The following MDGA2 variants were observed in gnomAD, a reference collection of about 807,000 sequenced individuals.
MDGA2 encodes the protein MAM domain containing glycosylphosphatidylinositol anchor 2.
In MDGA2, 40 loss-of-function variants were observed where a neutral mutation model predicts 117.8. The ratio of observed to expected loss-of-function variants is 0.34; its 90% CI spans 0.26 to 0.44. MDGA2 has a LOEUF of 0.44. Ranked by LOEUF, MDGA2 falls within the 20% of genes least tolerant of loss-of-function variation. The pLI, the probability that MDGA2 is intolerant of heterozygous loss-of-function variation, is 1.00. For missense variants in MDGA2, 1,123 were observed against 1,250.6 expected, an observed-to-expected ratio of 0.90 and a Z score of 1.54; for synonymous variants, 452 against 439.0, an observed-to-expected ratio of 1.03 and a Z score of -0.37.
intron 3 of MDGA2, among the ~76,000 whole-genome samples, chr14:47,144,815 A>ATTTTTTTTTTTTTT (rs60842690): frequency 3.1e-4 from 40 of 130,428 alleles, no homozygotes; most frequent in East Asian, 9.0e-4. Context: ...TGCCCGGCTA[A>ATTTTTTTTTTTTTT]TTTTTTTTTT....
chr14:47,562,526 C>T (rs10142590), intron 1 of MDGA2, among the ~76,000 whole-genome samples: 119,087 of 152,138 alleles, frequency 0.78, 46,923 homozygotes, highest in East Asian at 1. Context: ...CTTGTGTGCA[C>T]TGAGGTGTTC....
At chr14:47,366,532 G>A (rs969168943) in intron 1 of MDGA2, among the ~76,000 whole-genome samples, 6 of 151,938 alleles carry the variant, frequency 3.9e-5, no homozygotes, top group South Asian at 2.1e-4. Flanking sequence ...TATTTTCTTC[G>A]CCCTTCACCT....
rs200085008 is a variant in MDGA2 at position 47,059,173 on chromosome 14, T to C, written c.1525+2076A>G. The C allele has an allele frequency of 2.1e-5, 17 of 806,840 alleles. No individual in the cohort carries two copies. In the East Asian group the frequency reaches 1.0e-3, roughly 49 times the overall value. The allele number at this position is 806,840 out of a possible 1,614,324, so 50.0% of individuals were successfully genotyped here. On this transcript the variant is annotated intron_variant, in intron 7 of 16. Transcript: ENST00000399232. ...ATGCATAAATTAGTCATTTTGTTAG[T>C]TAATAATTATCTGTTTAGTACCTTC...
intron 4 of MDGA2, among the ~76,000 whole-genome samples, chr14:47,133,707 C>G (rs1221436994): frequency 6.6e-6 from 1 of 151,936 alleles, no homozygotes; most frequent in Non-Finnish European, 1.5e-5. Context: ...AATTGAACTT[C>G]AAATATATTC....
intron 8 of MDGA2, among the ~76,000 whole-genome samples, chr14:47,024,889 T>G (rs552621155): frequency 3.3e-4 from 50 of 152,136 alleles, no homozygotes; most frequent in Non-Finnish European, 6.2e-4. Flanking sequence ...AATATTCATT[T>G]GCCAGGAGAA....
At chr14:47,058,515 C>T (rs973125029) in intron 7 of MDGA2, 2 of 984,086 alleles carry the variant, frequency 2.0e-6, no homozygotes, top group Non-Finnish European at 2.4e-6. Flanking sequence ...TTGATATAAT[C>T]CAAGATTTCC....
intron 1 of MDGA2, among the ~76,000 whole-genome samples, chr14:47,315,871 T>C (rs1183302838): frequency 1.3e-5 from 2 of 151,676 alleles, no homozygotes; most frequent in African/African-American, 4.8e-5. Flanking sequence ...TCAATAATAA[T>C]TTTCTGCCAC....
intron 8 of MDGA2, among the ~76,000 whole-genome samples, chr14:47,030,466 A>G (rs1888622988): frequency 1.3e-5 from 2 of 152,038 alleles, no homozygotes; most frequent in African/African-American, 4.8e-5. Context: ...GTGAGCTGGG[A>G]TCACGCCACT....
chr14:47,444,154 C>T (rs1046464320), intron 1 of MDGA2: 7 of 219,924 alleles, frequency 3.2e-5, no homozygotes, highest in Non-Finnish European at 5.7e-5. Flanking sequence ...TTTCATCTTG[C>T]TCCTTTGTGG....
At chr14:46,994,037 T>C (rs1284120408) in intron 8 of MDGA2, among the ~76,000 whole-genome samples, 1 of 152,130 alleles carries the variant, frequency 6.6e-6, no homozygotes, top group Non-Finnish European at 1.5e-5. Context: ...CCATATCAGT[T>C]GACCTGAGTT....
intron 3 of MDGA2, among the ~76,000 whole-genome samples, chr14:47,177,575 T>A (rs1235665769): frequency 6.6e-6 from 1 of 152,164 alleles, no homozygotes; most frequent in East Asian, 1.9e-4. Context: ...CCGCATGTTC[T>A]CACTCATAGG....
intron 1 of MDGA2, among the ~76,000 whole-genome samples, chr14:47,673,279 G>A (rs1221150180): frequency 6.6e-6 from 1 of 152,212 alleles, no homozygotes; most frequent in Non-Finnish European, 1.5e-5. Context: ...ACTGGCACCT[G>A]TGTCCACTCT....
intron 5 of MDGA2, among the ~76,000 whole-genome samples, chr14:47,114,459 G>A (rs944611438): frequency 6.6e-6 from 1 of 152,046 alleles, no homozygotes; most frequent in African/African-American, 2.4e-5. Context: ...AGCCCATATA[G>A]CCAAGACAAT....
At chr14:47,550,540 G>A (rs1365334209) in intron 1 of MDGA2, among the ~76,000 whole-genome samples, 2 of 152,028 alleles carry the variant, frequency 1.3e-5, no homozygotes, top group Non-Finnish European at 2.9e-5. Context: ...CAGTACTGTT[G>A]AACAACCTAT....
At chr14:46,924,951 G>GGGA (rs1312236503) in intron 9 of MDGA2, among the ~76,000 whole-genome samples, 8 of 152,090 alleles carry the variant, frequency 5.3e-5, no homozygotes, top group Non-Finnish European at 1.2e-4. Context: ...TCAGGCCCAT[G>GGGA]GGAGATAAGG....
chr14:46,947,256 ATCTC>A (rs1405365825), intron 9 of MDGA2, among the ~76,000 whole-genome samples: 1 of 152,080 alleles, frequency 6.6e-6, no homozygotes, highest in Non-Finnish European at 1.5e-5. Context: ...TAACTCCATT[ATCTC>A]TCTGCATGTC....
intron 2 of MDGA2, among the ~76,000 whole-genome samples, chr14:47,223,883 C>T (rs1020191949): frequency 1.3e-5 from 2 of 151,958 alleles, no homozygotes; most frequent in African/African-American, 4.8e-5. Context: ...TTTCACATGG[C>T]GGCAGGAGAG....
At chr14:47,268,859 T>G (rs1168018346) in intron 2 of MDGA2, among the ~76,000 whole-genome samples, 1 of 152,216 alleles carries the variant, frequency 6.6e-6, no homozygotes, top group African/African-American at 2.4e-5. Context: ...AATCAGTGTT[T>G]AAGGATAAAT....
intron 2 of MDGA2, among the ~76,000 whole-genome samples, chr14:47,229,601 G>T (rs1336782025): frequency 6.6e-6 from 1 of 151,298 alleles, no homozygotes; most frequent in Admixed American, 6.6e-5. Flanking sequence ...ACAACTAAAA[G>T]TAACTAAAGA....
Sources: gnomAD v4.1 joint callset for allele counts (sites outside exome capture counted in the v4.1 genomes callset) on GRCh38, gnomAD v4.1.1 for gene constraint, MANE v1.5 for transcripts, NCBI Gene and HGNC (gene_info 2026-07-23, HGNC 2026-07-21) for gene names.